WDR26: variants seen among roughly 807,000 people sequenced by gnomAD.
WDR26 encodes WD repeat domain 26.
Under a neutral mutation model 84.1 loss-of-function variants are expected in WDR26, and 5 were observed. The observed-to-expected ratio is 0.06, with a 90% CI of 0.03 to 0.13. The LOEUF (loss-of-function observed/expected upper bound fraction) is 0.13, where lower values mean the gene tolerates loss of function less well. Among genes scored for constraint, WDR26 ranks in the 10% least tolerant of loss-of-function variants. The probability of loss-of-function intolerance (pLI) is 1.00; values close to 1 mark genes in which losing one functional copy is unlikely to be tolerated. For missense variants in WDR26, 642 were observed against 974.9 expected (o/e 0.66, Z 4.55); for synonymous variants, 415 against 389.6 (o/e 1.07, Z -0.77).
rs1328191159 is a variant in WDR26, at chr1:224,434,183, G to A, written c.223C>T (p.Pro75Ser). Residue 75 changes from proline to serine, a missense_variant, in exon 1 of 14, where the codon CCC (proline) becomes TCC (serine). Coordinates refer to ENST00000414423, the MANE Select transcript of WDR26 (RefSeq NM_001379403.1). ...GCGGCGGGAGGGGCAGCAGCCGGGG[G>A]AAGTCCCACCACTACCACCACGGAG... 4.2e-6 allele frequency: 6 copies of A among 1,421,680 alleles called. No homozygotes were observed. The African/African-American group carries it at 8.8e-5, about 21-fold the overall frequency. 88.1% of individuals were successfully genotyped at this position (1,421,680 alleles called of 1,614,324 possible).
Position 224,434,138 on chromosome 1 carries a change from T to G in WDR26, c.268A>C (p.Ser90Arg). ...CCGCTGACCAGGCTGTGGCCGCTACTTCGGTGGGGGACAGCAGCGGCGGCG... is the reference window on the plus strand; with the variant it reads ...CCGCTGACCAGGCTGTGGCCGCTACGTCGGTGGGGGACAGCAGCGGCGGCG... The change falls in exon 1 of 14, where the codon AGT becomes CGT. Residue 90 changes from serine to arginine, a missense_variant. By Grantham distance (110) the Ser-to-Arg change is moderately radical. Coordinates refer to ENST00000414423, the MANE Select transcript of WDR26 (RefSeq NM_001379403.1). 1 of 1,419,062 alleles carries G rather than the reference T, an allele frequency of 7.0e-7. No homozygotes were observed. 87.9% of individuals were successfully genotyped at this position (1,419,062 alleles called of 1,614,324 possible). A position where few individuals can be genotyped will look rare whatever the true frequency, so the allele number is the denominator to read the frequency against.
intron 12 of WDR26, among the ~76,000 whole-genome samples, chr1:224,395,711 T>C (rs1161358545): frequency 6.6e-6 from 1 of 152,102 alleles, no homozygotes; most frequent in Non-Finnish European, 1.5e-5. Flanking sequence ...TGCAATTGAA[T>C]ATTTCTCTAT....
At position 224,407,943 on chromosome 1, in the gene WDR26, GTCTC is replaced by G. The variant is rs373358566; in HGVS notation, c.1459-3377_1459-3374del. On this transcript the variant is annotated intron_variant, in intron 7 of 13. Transcript: ENST00000414423. ...TATCTAAAAATTACAGTCTCTAAAA[GTCTC>G]TCTGTTTCATATTGGAATGTAAGCA... is the stretch of plus-strand genomic sequence containing the variant. Among the ~76,000 whole-genome samples the G allele has an allele frequency of 9.5e-4, 144 of 152,244 alleles. 1 individual carries two copies. Among genetic ancestry groups the G allele is most frequent in the Admixed American group, 9.3e-3 (142 of 15,282 alleles).
At chr1:224,410,221 C>T (rs1673696427) in intron 7 of WDR26, among the ~76,000 whole-genome samples, 1 of 140,714 alleles carries the variant, frequency 7.1e-6, no homozygotes, top group Non-Finnish European at 1.5e-5. Flanking sequence ...GTGGAGGTTG[C>T]AGTGAGCCAA....
chr1:224,414,807 C>A (rs573330906), intron 6 of WDR26, among the ~76,000 whole-genome samples: 34 of 87,618 alleles, frequency 3.9e-4, no homozygotes, highest in African/African-American at 9.4e-4. Flanking sequence ...CAGTGAGCAA[C>A]CCCATCTCCA....
intron 3 of WDR26, among the ~76,000 whole-genome samples, chr1:224,427,757 G>A (rs1674270549): frequency 6.6e-6 from 1 of 151,856 alleles, no homozygotes; most frequent in South Asian, 2.1e-4. Context: ...ATAAGGGTGG[G>A]GAGTAAAACT....
chr1:224,390,144 T>A (rs1235243423), intron 13 of WDR26, among the ~76,000 whole-genome samples: 5 of 152,196 alleles, frequency 3.3e-5, no homozygotes, highest in Non-Finnish European at 7.4e-5. Flanking sequence ...TTTATTTTTT[T>A]GAGACAGGAT....
intron 1 of WDR26, among the ~76,000 whole-genome samples, chr1:224,433,329 A>G (rs1424060005): frequency 1.3e-5 from 2 of 152,020 alleles, no homozygotes; most frequent in African/African-American, 4.8e-5. Context: ...CTCCCCCAAC[A>G]CATACAGAAA....
Position 224,434,760 on chromosome 1 carries a change from C to A in WDR26, c.-355G>T. ...GTCCTCGGATCCGCTCCGCTCTGCT[C>A]CCTGGTGTGTTGATTCTTCCCCCAG... On this transcript the variant is annotated 5_prime_UTR_variant, in exon 1 of 14. Transcript: ENST00000414423. 1 of 986,672 alleles carries A rather than the reference C, an allele frequency of 1.0e-6. No homozygotes were observed. The highest frequency in any genetic ancestry group is 4.5e-5 in the South Asian group (1 of 22,078). The allele number at this position is 986,672 out of a possible 1,614,324, so 61.1% of individuals were successfully genotyped here.
At chr1:224,397,157 A>AT (rs1572161558) in intron 12 of WDR26, among the ~76,000 whole-genome samples, 3 of 152,146 alleles carry the variant, frequency 2.0e-5, no homozygotes, top group East Asian at 3.9e-4. Context: ...TTCAGTATAT[A>AT]TTTTTTTACT....
intron 6 of WDR26, among the ~76,000 whole-genome samples, chr1:224,417,990 T>C (rs1355280165): frequency 6.6e-6 from 1 of 152,166 alleles, no homozygotes; most frequent in Non-Finnish European, 1.5e-5. Context: ...ATTTGGGACA[T>C]AGTTAAATTG....
At chr1:224,417,204 G>A (rs367652609) in intron 6 of WDR26, among the ~76,000 whole-genome samples, 1 of 152,134 alleles carries the variant, frequency 6.6e-6, no homozygotes, top group East Asian at 1.9e-4. Flanking sequence ...GAAGTTCCTC[G>A]TTATTCCAAA....
intron 13 of WDR26, among the ~76,000 whole-genome samples, chr1:224,392,845 A>T (rs1673164649): frequency 6.6e-6 from 1 of 151,954 alleles, no homozygotes; most frequent in African/African-American, 2.4e-5. Flanking sequence ...TGCTACTCCG[A>T]TAACCCTCCT....
chr1:224,428,904 C>CAA (rs34399474), intron 3 of WDR26, among the ~76,000 whole-genome samples: 4 of 114,784 alleles, frequency 3.5e-5, no homozygotes, highest in South Asian at 6.0e-4. Context: ...AACTCCATCT[C>CAA]AAAAAAAAAA....
At chr1:224,426,293 G>A (rs1171176140) in intron 3 of WDR26, among the ~76,000 whole-genome samples, 1 of 152,226 alleles carries the variant, frequency 6.6e-6, no homozygotes, top group Non-Finnish European at 1.5e-5. Context: ...ATTTAGAAGA[G>A]AGATATAAAC....
chr1:224,434,292 T>C lies in WDR26; in HGVS notation c.114A>G (p.Gly38=). The C allele has an allele frequency of 1.6e-6, 2 of 1,235,336 alleles. No individual in the cohort carries two copies. The highest frequency in any genetic ancestry group is 2.0e-6 in the Non-Finnish European group (2 of 990,148). The allele number at this position is 1,235,336 out of a possible 1,614,324, so 76.5% of individuals were successfully genotyped here. A position where few individuals can be genotyped will look rare whatever the true frequency, so the allele number is the denominator to read the frequency against. ...CTGCCGAAGCCCCGGGCTCTCCTAC[T>C]CCCTCCGCCGCCGAGGCTCGGGGTT... Residue 38 remains glycine, a synonymous_variant, in exon 1 of 14, where the codon GGA becomes GGG. Coordinates refer to ENST00000414423, the MANE Select transcript of WDR26 (RefSeq NM_001379403.1).
At chr1:224,389,881 A>G (rs771618881) in intron 13 of WDR26, 21 bp from the exon 14 acceptor site, 17 of 346,198 alleles carry the variant, frequency 4.9e-5, no homozygotes, top group Non-Finnish European at 3.1e-5. Flanking sequence ...ACAAGATGAA[A>G]TGTATGGGGG....
chr1:224,427,582 A>C (rs765016076), intron 3 of WDR26, among the ~76,000 whole-genome samples: 3 of 152,216 alleles, frequency 2.0e-5, no homozygotes, highest in South Asian at 2.1e-4. Context: ...GCATTTCTCT[A>C]TGAGTCATTT....
At chr1:224,406,432 C>A (rs1210851284) in intron 7 of WDR26, among the ~76,000 whole-genome samples, 1 of 152,082 alleles carries the variant, frequency 6.6e-6, no homozygotes, top group Non-Finnish European at 1.5e-5. Context: ...GACCCACCAG[C>A]AGTTGAAAAA....
Sources: allele counts gnomAD v4.1 joint callset (sites outside exome capture counted in the v4.1 genomes callset), GRCh38; gene constraint gnomAD v4.1.1; transcripts MANE v1.5; gene names NCBI Gene and HGNC (gene_info 2026-07-23, HGNC 2026-07-21).